Variants in RYR3 observed in about 807,000 individuals in gnomAD.
The protein encoded by RYR3 is ryanodine receptor 3, also known as brain ryanodine receptor-calcium release channel.
Under a neutral mutation model 584.3 loss-of-function variants are expected in RYR3, and 207 were observed. The observed-to-expected ratio is 0.35, with a 90% CI of 0.32 to 0.40. The LOEUF is 0.40. RYR3 is among the 10% of genes least tolerant of loss of function. The probability of loss-of-function intolerance (pLI) is 1.00; values close to 1 mark genes in which losing one functional copy is unlikely to be tolerated. For missense variants in RYR3, 5,616 were observed against 6,089.2 expected, an observed-to-expected ratio of 0.92 and a Z score of 2.59; for synonymous variants, 2,416 against 2,248.5, an observed-to-expected ratio of 1.07 and a Z score of -2.11.
At chr15:33,432,944 C>T (rs995441301) in intron 1 of RYR3, among the ~76,000 whole-genome samples, 7 of 151,678 alleles carry the variant, frequency 4.6e-5, no homozygotes, top group African/African-American at 1.7e-4. Context: ...TTAATCTAGC[C>T]TTAGAACCGT....
At chr15:33,854,674 C>G in intron 97 of RYR3, 92 bp from the exon 98 acceptor site, 1 of 1,489,560 alleles carries the variant, frequency 6.7e-7, no homozygotes, top group Non-Finnish European at 9.1e-7. Flanking sequence ...CCCCTCTATC[C>G]TCAGTGTGTC....
chr15:33,510,664 A>C (rs2052902995), intron 3 of RYR3, among the ~76,000 whole-genome samples: 1 of 150,710 alleles, frequency 6.6e-6, no homozygotes, highest in Non-Finnish European at 1.5e-5. Context: ...CATATCATGT[A>C]TATTTGACAG....
intron 70 of RYR3, chr15:33,807,861 G>C: frequency 2.2e-6 from 1 of 455,834 alleles, no homozygotes; most frequent in East Asian, 3.8e-5. Context: ...CACACTAACA[G>C]AGATAGGGAT....
At chr15:33,847,265 G>A (rs1274199441) in intron 93 of RYR3, 1 of 152,108 alleles carries the variant, frequency 6.6e-6, no homozygotes, top group African/African-American at 2.4e-5. Flanking sequence ...TTATTTCATT[G>A]TTTTAAAGAA....
chr15:33,606,271 A>T (rs569667233), intron 18 of RYR3, among the ~76,000 whole-genome samples: 1 of 152,316 alleles, frequency 6.6e-6, no homozygotes, highest in Non-Finnish European at 1.5e-5. Flanking sequence ...GAAGTCCCTG[A>T]CACACATTAG....
chr15:33,477,767 C>T (rs1353428036), intron 2 of RYR3, among the ~76,000 whole-genome samples: 1 of 138,060 alleles, frequency 7.2e-6, no homozygotes, highest in African/African-American at 3.2e-5. Context: ...CCCAGCTACT[C>T]GGGAGGCTGA....
At chr15:33,532,856 T>C (rs1044576376) in intron 4 of RYR3, among the ~76,000 whole-genome samples, 1 of 152,188 alleles carries the variant, frequency 6.6e-6, no homozygotes, top group Non-Finnish European at 1.5e-5. Context: ...GTGGTTCACA[T>C]GTGTAATCCC....
At chr15:33,414,330 G>A (rs1022557368) in intron 1 of RYR3, among the ~76,000 whole-genome samples, 1 of 152,194 alleles carries the variant, frequency 6.6e-6, no homozygotes, top group African/African-American at 2.4e-5. Flanking sequence ...GCTAGTGGTA[G>A]AAAGTTATGT....
chr15:33,443,206 C>T (rs1419604895), intron 1 of RYR3, among the ~76,000 whole-genome samples: 1 of 151,428 alleles, frequency 6.6e-6, no homozygotes, highest in East Asian at 1.9e-4. Flanking sequence ...TTGCAGTGAG[C>T]TGAGATTGCA....
intron 62 of RYR3, among the ~76,000 whole-genome samples, chr15:33,771,128 A>G (rs1185908448): frequency 1.3e-5 from 2 of 152,204 alleles, no homozygotes; most frequent in African/African-American, 4.8e-5. Flanking sequence ...CCAACCTAGG[A>G]CGTTTCCCGC....
intron 1 of RYR3, among the ~76,000 whole-genome samples, chr15:33,401,225 T>C (rs2042643981): frequency 6.6e-6 from 1 of 152,178 alleles, no homozygotes; most frequent in Admixed American, 6.5e-5. Flanking sequence ...AGCTAAGACA[T>C]CCTTGAATGT....
At chr15:33,759,415 T>C (rs925514255) in intron 60 of RYR3, among the ~76,000 whole-genome samples, 1 of 152,130 alleles carries the variant, frequency 6.6e-6, no homozygotes, top group Non-Finnish European at 1.5e-5. Context: ...CTTAGAGGAA[T>C]TGCTAACTAG....
intron 18 of RYR3, among the ~76,000 whole-genome samples, chr15:33,607,569 A>G (rs2059969349): frequency 6.6e-6 from 1 of 152,206 alleles, no homozygotes; most frequent in African/African-American, 2.4e-5. Context: ...CCATAGTGTC[A>G]CATTTCTGCT....
chr15:33,848,142 G>T, intron 93 of RYR3, 149 bp from the exon 94 acceptor site: 1 of 926,710 alleles, frequency 1.1e-6, no homozygotes, highest in Non-Finnish European at 1.7e-6. Context: ...GATTCATTTG[G>T]CTTTGATCCC....
At chr15:33,755,636 C>CAAAA (rs1567102388) in intron 58 of RYR3, among the ~76,000 whole-genome samples, 1 of 152,018 alleles carries the variant, frequency 6.6e-6, no homozygotes, top group Non-Finnish European at 1.5e-5. Context: ...AACAAACAAA[C>CAAAA]AAAAACTCCT....
chr15:33,793,847 T>G (rs1376870904), intron 67 of RYR3, among the ~76,000 whole-genome samples: 1 of 149,738 alleles, frequency 6.7e-6, no homozygotes, highest in Non-Finnish European at 1.5e-5. Flanking sequence ...CTATTTAAAA[T>G]AACCTAATTA....
Position 33,586,039 on chromosome 15 carries a change from G to A in RYR3, c.1711G>A (p.Glu571Lys), listed in dbSNP as rs2058830364. Residue 571 changes from glutamate to lysine, a missense_variant, in exon 16 of 104, where the codon GAA (glutamate) becomes AAA (lysine). This residue lies in a region of RYR3 where 1,284 missense variants were observed against 1,344.6 expected (regional missense o/e 0.95). Transcript: ENST00000634891. ...GCACTGCATCTTAACTGAAAGCCCA[G>A]AAGCCTTAAATCTGATAGCGGAGGG... The part of the protein sequence containing the change: ...VLHCILTESP[E>K]ALNLIAEGHI... The A allele has an allele frequency of 1.2e-6, 2 of 1,613,552 alleles. No individual in the cohort carries two copies. Among genetic ancestry groups the A allele is most frequent in the African/African-American group, 1.3e-5 (1 of 74,910 alleles).
chr15:33,696,180 G>A (rs2065851728), intron 38 of RYR3, 38 bp from the exon 39 acceptor site: 1 of 1,583,650 alleles, frequency 6.3e-7, no homozygotes. Flanking sequence ...CCTGAGCCAT[G>A]ACAGCCACAG....
chr15:33,323,109 T>G (rs941205295), intron 1 of RYR3, among the ~76,000 whole-genome samples: 3 of 151,764 alleles, frequency 2.0e-5, no homozygotes, highest in African/African-American at 7.2e-5. Flanking sequence ...TGATATTTAA[T>G]ACATATATAT....
Sources: allele counts gnomAD v4.1 joint callset (sites outside exome capture counted in the v4.1 genomes callset), GRCh38; gene constraint gnomAD v4.1.1; regional missense constraint gnomAD v4.1.1; transcripts MANE v1.5; gene names NCBI Gene and HGNC (gene_info 2026-07-23, HGNC 2026-07-21).